The following RAB38 variants were observed in gnomAD, a reference collection of about 807,000 sequenced individuals.
RAB38 encodes RAB38, member RAS oncogene family.
RAB38 carries 15 observed loss-of-function variants against 18.4 expected under a neutral mutation model. The observed-to-expected ratio is 0.82, with a 90% CI of 0.55 to 1.26. The LOEUF (loss-of-function observed/expected upper bound fraction) is 1.26. Ranked by LOEUF, RAB38 falls within the 50% of genes most tolerant of loss-of-function variation. The pLI is 0.00. For missense variants in RAB38, 294 were observed against 267.4 expected (o/e 1.10, Z -0.69); for synonymous variants, 101 against 104.4 (o/e 0.97, Z 0.20).
At chr11:87,816,615 G>T in the RAB38 span, 1 of 151,892 alleles carries the variant, frequency 6.6e-6, no homozygotes, top group Non-Finnish European at 1.5e-5. Flanking sequence ...ATGCGAGGTG[G>T]TAAAAAACTC....
At chr11:88,148,962 G>C (rs1182979418) in intron 2 of RAB38, among the ~76,000 whole-genome samples, 2 of 151,028 alleles carry the variant, frequency 1.3e-5, no homozygotes, top group South Asian at 2.1e-4. Context: ...TTTAAATACA[G>C]GCAAAAACAA....
At chr11:88,068,780 G>A in the RAB38 span, among the ~76,000 whole-genome samples, 1 of 152,172 alleles carries the variant, frequency 6.6e-6, no homozygotes, top group Admixed American at 6.5e-5. Context: ...AACATGAAAG[G>A]ATCTTTGATT....
At chr11:88,079,808 G>A in the RAB38 span, among the ~76,000 whole-genome samples, 5 of 150,942 alleles carry the variant, frequency 3.3e-5, no homozygotes, top group African/African-American at 4.9e-5. Context: ...TAGTAATCTC[G>A]GTAGATGCAC....
the RAB38 span, among the ~76,000 whole-genome samples, chr11:87,925,865 G>C: frequency 0.013 from 1,914 of 151,588 alleles, 41 homozygotes; most frequent in African/African-American, 0.044. Flanking sequence ...TGATCTGGAA[G>C]GGTTTTCCAC....
the RAB38 span, among the ~76,000 whole-genome samples, chr11:87,870,991 A>G: frequency 6.6e-6 from 1 of 151,702 alleles, no homozygotes; most frequent in Non-Finnish European, 1.5e-5. Context: ...AAATGTTAAA[A>G]TATTTTTATA....
chr11:87,822,255 C>T, the RAB38 span, among the ~76,000 whole-genome samples: 1 of 151,938 alleles, frequency 6.6e-6, no homozygotes, highest in East Asian at 1.9e-4. Context: ...TATAATTTAA[C>T]AAAATATTAC....
the RAB38 span, among the ~76,000 whole-genome samples, chr11:87,933,465 C>A: frequency 6.6e-6 from 1 of 152,056 alleles, no homozygotes; most frequent in Non-Finnish European, 1.5e-5. Flanking sequence ...AAAATGGGCA[C>A]ATGTCTCAAA....
chr11:88,082,008 T>C, the RAB38 span, among the ~76,000 whole-genome samples: 1 of 151,876 alleles, frequency 6.6e-6, no homozygotes, highest in Non-Finnish European at 1.5e-5. Flanking sequence ...CACAGAAACC[T>C]AGATATGCTA....
At chr11:87,938,871 T>A in the RAB38 span, among the ~76,000 whole-genome samples, 1 of 151,868 alleles carries the variant, frequency 6.6e-6, no homozygotes, top group South Asian at 2.1e-4. Flanking sequence ...TTCAGAGTAT[T>A]ACTATATTTA....
chr11:88,040,865 C>T, the RAB38 span, among the ~76,000 whole-genome samples: 1 of 152,178 alleles, frequency 6.6e-6, no homozygotes, highest in African/African-American at 2.4e-5. Flanking sequence ...CGAATGGAGA[C>T]TTGAGTGAAT....
At chr11:87,810,266 T>C in the RAB38 span, among the ~76,000 whole-genome samples, 1 of 152,178 alleles carries the variant, frequency 6.6e-6, no homozygotes, top group Admixed American at 6.5e-5. Flanking sequence ...ATTATTTTTC[T>C]TTTGAGATGG....
At chr11:87,810,107 A>G in the RAB38 span, among the ~76,000 whole-genome samples, 279 of 152,290 alleles carry the variant, frequency 1.8e-3, 1 homozygote, top group African/African-American at 6.3e-3. Context: ...TATCATACAG[A>G]CACAGAGGAG....
At chr11:88,072,604 G>A in the RAB38 span, among the ~76,000 whole-genome samples, 3 of 152,072 alleles carry the variant, frequency 2.0e-5, no homozygotes, top group Non-Finnish European at 4.4e-5. Context: ...CAAGCAGATT[G>A]CATGAATTTA....
In RAB38 at chr11:88,113,704, C is replaced by T; in HGVS notation, c.*284G>A. The T allele has an allele frequency of 6.3e-6, 2 of 319,672 alleles. No individual in the cohort carries two copies. Among genetic ancestry groups the T allele is most frequent in the South Asian group, 1.3e-4 (2 of 15,382 alleles). The allele number at this position is 319,672 out of a possible 1,614,324, so 19.8% of individuals were successfully genotyped here. A position where few individuals can be genotyped will look rare whatever the true frequency, so the allele number is the denominator to read the frequency against. On this transcript the variant is annotated 3_prime_UTR_variant, in exon 3 of 3. Coordinates refer to ENST00000243662, the MANE Select transcript of RAB38 (RefSeq NM_022337.3). The stretch of plus-strand genomic sequence containing the variant: ...TGAGGCCTTTGCTGATTAAAAGAAG[C>T]AAATAACAGTGCCGACTGTGGCCCT...
At chr11:88,091,870 T>C in the RAB38 span, among the ~76,000 whole-genome samples, 1 of 151,900 alleles carries the variant, frequency 6.6e-6, no homozygotes, top group Non-Finnish European at 1.5e-5. Context: ...ATTTATGAGC[T>C]CTTGGCAACT....
the RAB38 span, among the ~76,000 whole-genome samples, chr11:87,937,870 G>GTTTTTTTTTTTTTTTT: frequency 1.2e-4 from 11 of 91,996 alleles, no homozygotes; most frequent in South Asian, 4.2e-4. Flanking sequence ...TCATTGAAGT[G>GTTTTTTTTTTTTTTTT]TTTTTTTTTT....
chr11:87,855,472 T>A, the RAB38 span, among the ~76,000 whole-genome samples: 1 of 152,178 alleles, frequency 6.6e-6, no homozygotes, highest in Non-Finnish European at 1.5e-5. Flanking sequence ...TGCAGGGGAA[T>A]AAAAGACATT....
the RAB38 span, among the ~76,000 whole-genome samples, chr11:88,070,982 G>A: frequency 5.9e-3 from 894 of 152,268 alleles, 2 homozygotes; most frequent in Non-Finnish European, 9.4e-3. Flanking sequence ...CCAAGCATGG[G>A]CTAATATGAA....
chr11:87,873,886 GTGTGTGTATATATATATA>G, the RAB38 span, among the ~76,000 whole-genome samples: 4 of 59,286 alleles, frequency 6.7e-5, no homozygotes, highest in South Asian at 6.2e-4. Flanking sequence ...GTATATATAT[GTGTGTGTATATATATATA>G]TATATGTGTG....
Sources: allele counts gnomAD v4.1 joint callset (sites outside exome capture counted in the v4.1 genomes callset), GRCh38; gene constraint gnomAD v4.1.1; transcripts MANE v1.5; gene names NCBI Gene and HGNC (gene_info 2026-07-23, HGNC 2026-07-21).